RAB23: variants seen among roughly 807,000 people sequenced by gnomAD.
RAB23 encodes ras-related protein Rab-23.
RAB23 carries 15 observed loss-of-function variants against 30.0 expected under a neutral mutation model. The observed-to-expected ratio is 0.50, with a 90% CI of 0.33 to 0.77. The LOEUF is 0.77. Among genes scored for constraint, RAB23 ranks in the 30% least tolerant of loss-of-function variants. The pLI, the probability that RAB23 is intolerant of heterozygous loss-of-function variation, is 0.02. For missense variants in RAB23, 243 were observed against 275.4 expected (o/e 0.88, Z 0.83); for synonymous variants, 93 against 94.0 (o/e 0.99, Z 0.06).
At chr6:57,201,084 C>CTTTTTTTTTTTTTTTTTTTTT (rs201367113) in intron 3 of RAB23, among the ~76,000 whole-genome samples, 1 of 136,906 alleles carries the variant, frequency 7.3e-6, no homozygotes. Context: ...TTTTCTCTCT[C>CTTTTTTTTTTTTTTTTTTTTT]TCTTTTTTTT....
intron 6 of RAB23, among the ~76,000 whole-genome samples, chr6:57,191,332 G>A (rs1284510894): frequency 6.6e-6 from 1 of 152,124 alleles, no homozygotes; most frequent in African/African-American, 2.4e-5. Context: ...GCATATATAA[G>A]CTAAAATGCA....
At position 57,189,912 on chromosome 6, in the gene RAB23, C is replaced by CCTT. The variant is rs1471573006; in HGVS notation, c.*548_*549insAAG. ...CACATACCTTCAGCTTACTCCAGTACCAGACATCTGCATGCACACCCCACA... is the reference window on the plus strand; with the variant it reads ...CACATACCTTCAGCTTACTCCAGTACCTTCAGACATCTGCATGCACACCCCACA... On this transcript the variant is annotated 3_prime_UTR_variant, in exon 7 of 7. Transcript: ENST00000468148. The CCTT allele has an allele frequency of 1.2e-5, 2 of 162,892 alleles. No homozygotes were observed. The highest frequency in any genetic ancestry group is 2.7e-5 in the Non-Finnish European group (2 of 73,940). 10.1% of individuals were successfully genotyped at this position (162,892 alleles called of 1,614,324 possible). A position where few individuals can be genotyped will look rare whatever the true frequency, so the allele number is the denominator to read the frequency against.
intron 6 of RAB23, among the ~76,000 whole-genome samples, chr6:57,191,081 G>T (rs1024538765): frequency 2.0e-5 from 3 of 152,124 alleles, no homozygotes; most frequent in Admixed American, 6.5e-5. Context: ...ATATTCCATT[G>T]TATGTATATA....
At chr6:57,216,282 T>C (rs1765832782) in intron 1 of RAB23, among the ~76,000 whole-genome samples, 1 of 152,200 alleles carries the variant, frequency 6.6e-6, no homozygotes, top group African/African-American at 2.4e-5. Context: ...ATCCCCATCA[T>C]TAAGCAATGC....
chr6:57,222,267 T>C lies in RAB23; in HGVS notation c.-607A>G, dbSNP rs1766097927. 1 of 152,420 alleles carries C rather than the reference T, an allele frequency of 6.6e-6. No individual in the cohort carries two copies. Among genetic ancestry groups the C allele is most frequent in the Admixed American group, 6.5e-5 (1 of 15,288 alleles). 9.4% of individuals were successfully genotyped at this position (152,420 alleles called of 1,614,324 possible). A position where few individuals can be genotyped will look rare whatever the true frequency, so the allele number is the denominator to read the frequency against. On this transcript the variant is annotated 5_prime_UTR_variant, in exon 1 of 7. Coordinates refer to ENST00000468148, the MANE Select transcript of RAB23 (RefSeq NM_016277.5). ...CCGGGGGTGGTGGGGCGCGGGAGTCTCGACTCCCCTCATCTGTGGACCCGC... is the reference window on the plus strand; with the variant it reads ...CCGGGGGTGGTGGGGCGCGGGAGTCCCGACTCCCCTCATCTGTGGACCCGC...
intron 3 of RAB23, among the ~76,000 whole-genome samples, chr6:57,203,610 A>G (rs184649985): frequency 6.6e-6 from 1 of 152,326 alleles, no homozygotes; most frequent in East Asian, 1.9e-4. Context: ...TAATAACCCC[A>G]TTAAAAAATA....
intron 1 of RAB23, among the ~76,000 whole-genome samples, chr6:57,220,284 G>C (rs547671661): frequency 2.0e-5 from 3 of 152,164 alleles, no homozygotes; most frequent in Non-Finnish European, 2.9e-5. Context: ...GGAGCAACTA[G>C]AACTCTCACA....
chr6:57,188,493 G>GAACA lies in RAB23; in HGVS notation c.*1964_*1967dup, dbSNP rs1247637046. 1.3e-5 allele frequency: 2 copies of GAACA among 151,972 alleles called. No individual in the cohort carries two copies. Among genetic ancestry groups the GAACA allele is most frequent in the African/African-American group, 4.8e-5 (2 of 41,366 alleles). 9.4% of individuals were successfully genotyped at this position (151,972 alleles called of 1,614,324 possible). On this transcript the variant is annotated 3_prime_UTR_variant, in exon 7 of 7. Coordinates refer to ENST00000468148, the MANE Select transcript of RAB23 (RefSeq NM_016277.5). Reference sequence around the variant, plus strand: ...AGCTAACATGAAAAAGAACTAACTAGAACACATATAACAAGTGATTTTTCT... The same window carrying GAACA: ...AGCTAACATGAAAAAGAACTAACTAGAACAAACACATATAACAAGTGATTTTTCT...
At chr6:57,202,754 C>T (rs190786738) in intron 3 of RAB23, among the ~76,000 whole-genome samples, 1 of 152,190 alleles carries the variant, frequency 6.6e-6, no homozygotes, top group Admixed American at 6.5e-5. Flanking sequence ...TGGCAGCAAC[C>T]AAAAGCATTC....
At position 57,207,646 on chromosome 6, in the gene RAB23, TAATTGCATC is replaced by T; in HGVS notation, c.214_222del (p.Asp72_Ile74del). ...GTTTTACCTCGATAGTAGGCCTTTG[TAATTGCATC>T]AAATTCCTCCTGACCTGCAGTGTCC... On this transcript the variant is annotated inframe_deletion, in exon 3 of 7. Transcript: ENST00000468148. 1 of 1,600,208 alleles carries T rather than the reference TAATTGCATC, an allele frequency of 6.2e-7. No individual in the cohort carries two copies. Among genetic ancestry groups the T allele is most frequent in the Non-Finnish European group, 8.6e-7 (1 of 1,167,486 alleles).
chr6:57,204,610 A>C (rs958199714), intron 3 of RAB23, among the ~76,000 whole-genome samples: 2 of 152,162 alleles, frequency 1.3e-5, no homozygotes, highest in African/African-American at 4.8e-5. Context: ...AATATATTTT[A>C]ATTTTTATGA....
intron 4 of RAB23, among the ~76,000 whole-genome samples, chr6:57,195,876 A>C (rs1275586110): frequency 3.3e-5 from 5 of 152,338 alleles, no homozygotes; most frequent in Non-Finnish European, 5.9e-5. Flanking sequence ...TTTTGGGCTA[A>C]TTTGTTACAT....
Position 57,188,083 on chromosome 6 carries a change from A to AGAT in RAB23, c.*2375_*2377dup, listed in dbSNP as rs1470605327. 2.0e-5 allele frequency: 3 copies of AGAT among 152,216 alleles called. No individual in the cohort carries two copies. The highest frequency in any genetic ancestry group is 7.2e-5 in the African/African-American group (3 of 41,444). 9.4% of individuals were successfully genotyped at this position (152,216 alleles called of 1,614,324 possible). The stretch of plus-strand genomic sequence containing the variant: ...AGATTAGCCGTAATGTTAAAAAAGT[A>AGAT]GATTAGAGCACAAATGCACAATCAC... On this transcript the variant is annotated 3_prime_UTR_variant, in exon 7 of 7. Transcript: ENST00000468148.
chr6:57,219,604 G>A (rs1006759965), intron 1 of RAB23, among the ~76,000 whole-genome samples: 2 of 152,158 alleles, frequency 1.3e-5, no homozygotes, highest in Non-Finnish European at 2.9e-5. Flanking sequence ...TGTAATACTG[G>A]CAAAGGGAAA....
chr6:57,210,080 C>A, intron 2 of RAB23, 146 bp downstream of exon 2: 1 of 800,410 alleles, frequency 1.2e-6, no homozygotes, highest in South Asian at 1.6e-5. Context: ...TTACATATGT[C>A]ATGAAAACCA....
Position 57,190,620 on chromosome 6 carries a change from A to G in RAB23, c.575-20T>C, listed in dbSNP as rs1266020926. The G allele has an allele frequency of 1.9e-6, 3 of 1,613,538 alleles. No homozygotes were observed. The highest frequency in any genetic ancestry group is 1.6e-4 in the Middle Eastern group (1 of 6,084). ...AGACACCTGTATAAATTGAGGGAAAAGAGTGATTGCCACTGACACGCCTGA... is the reference window on the plus strand; with the variant it reads ...AGACACCTGTATAAATTGAGGGAAAGGAGTGATTGCCACTGACACGCCTGA... On this transcript the variant is annotated intron_variant, in intron 6 of 6. Transcript: ENST00000468148.
chr6:57,215,602 T>G lies in RAB23; in HGVS notation c.-65-5157A>C, dbSNP rs1765807985. Among the ~76,000 whole-genome samples, 2 of 152,154 alleles carry G rather than the reference T, an allele frequency of 1.3e-5. 1 individual carries two copies. The highest frequency in any genetic ancestry group is 4.1e-4 in the South Asian group (2 of 4,820). On this transcript the variant is annotated intron_variant, in intron 1 of 6. Transcript: ENST00000468148. ...AAGGTAATCTCTGATGAGGGAAAACTAAGAGCATTTGTTGACAGCAGACCA... is the reference window on the plus strand; with the variant it reads ...AAGGTAATCTCTGATGAGGGAAAACGAAGAGCATTTGTTGACAGCAGACCA...
chr6:57,206,970 C>T (rs1427744533), intron 3 of RAB23, among the ~76,000 whole-genome samples: 1 of 152,184 alleles, frequency 6.6e-6, no homozygotes, highest in Non-Finnish European at 1.5e-5. Flanking sequence ...TGGTATTCCA[C>T]CAAGCTTTTG....
Position 57,196,437 on chromosome 6 carries a change from G to A in RAB23, c.398+13C>T. 1 of 1,613,774 alleles carries A rather than the reference G, an allele frequency of 6.2e-7. No homozygotes were observed. The highest frequency in any genetic ancestry group is 2.2e-5 in the East Asian group (1 of 44,836). On this transcript the variant is annotated intron_variant, in intron 4 of 6. Coordinates refer to ENST00000468148, the MANE Select transcript of RAB23 (RefSeq NM_016277.5). ...AATTACTGTCCCTCCTTCCCCAAAAGTAGCCATCTTACTTCTTTATACAAG... is the reference window on the plus strand; with the variant it reads ...AATTACTGTCCCTCCTTCCCCAAAAATAGCCATCTTACTTCTTTATACAAG...
Sources: gnomAD v4.1 joint callset for allele counts (sites outside exome capture counted in the v4.1 genomes callset) on GRCh38, gnomAD v4.1.1 for gene constraint, MANE v1.5 for transcripts, NCBI Gene and HGNC (gene_info 2026-07-23, HGNC 2026-07-21) for gene names.